Variants in CDH20 observed in about 807,000 individuals in gnomAD.
CDH20 encodes cadherin-20.
A neutral mutation model predicts 74.2 loss-of-function variants in CDH20; 29 were observed. The observed-to-expected ratio is 0.39, with a 90% CI of 0.29 to 0.53. CDH20 has a LOEUF of 0.53. CDH20 is among the 20% of genes least tolerant of loss of function. CDH20 has a pLI of 0.69. For missense variants in CDH20, 988 were observed against 1,048.3 expected, an observed-to-expected ratio of 0.94 and a Z score of 0.79; for synonymous variants, 469 against 405.4, an observed-to-expected ratio of 1.16 and a Z score of -1.88.
intron 11 of CDH20, 101 bp from the exon 12 acceptor site, chr18:61,554,089 G>A: frequency 7.1e-7 from 1 of 1,414,696 alleles, no homozygotes; most frequent in Admixed American, 2.1e-5. Flanking sequence ...CCTCCACTCG[G>A]TAGCCCTTCC....
In CDH20 at chr18:61,435,727, CAT is replaced by C. The variant is rs202244525; in HGVS notation, c.-152-54673_-152-54672del. On this transcript the variant is annotated intron_variant, in intron 1 of 11. Transcript: ENST00000262717. ...ATTAATGTATTATATTAAATTATAA[CAT>C]AAATATAAAAAATATATTTATGTAT... Among the ~76,000 whole-genome samples the C allele has an allele frequency of 3.9e-3, 587 of 149,776 alleles. 1 individual carries two copies. Among genetic ancestry groups the C allele is most frequent in the African/African-American group, 0.014 (561 of 41,094 alleles).
chr18:61,338,231 G>A (rs547438699), intron 1 of CDH20, among the ~76,000 whole-genome samples: 1 of 151,918 alleles, frequency 6.6e-6, no homozygotes, highest in South Asian at 2.1e-4. Context: ...ACTGTCTACA[G>A]CAATTAAAAA....
chr18:61,355,881 T>C (rs1478950212), intron 1 of CDH20, among the ~76,000 whole-genome samples: 1 of 152,172 alleles, frequency 6.6e-6, no homozygotes, highest in African/African-American at 2.4e-5. Context: ...TAGCATAAGA[T>C]TGAAGGAAAG....
chr18:61,366,889 T>G (rs144650307), intron 1 of CDH20, among the ~76,000 whole-genome samples: 22 of 152,254 alleles, frequency 1.4e-4, no homozygotes, highest in African/African-American at 5.3e-4. Flanking sequence ...TAAATTACCT[T>G]GAAAAACTGT....
intron 1 of CDH20, among the ~76,000 whole-genome samples, chr18:61,467,419 T>G (rs75676455): frequency 0.011 from 1,710 of 152,222 alleles, 29 homozygotes; most frequent in African/African-American, 0.038. Context: ...GACAAGCCAG[T>G]TACAATTTTA....
intron 6 of CDH20, among the ~76,000 whole-genome samples, chr18:61,508,703 C>T (rs1053556097): frequency 6.6e-6 from 1 of 152,152 alleles, no homozygotes; most frequent in African/African-American, 2.4e-5. Context: ...GTGGCGCAAT[C>T]TCGGCTCACT....
At chr18:61,374,577 C>T (rs921077574) in intron 1 of CDH20, among the ~76,000 whole-genome samples, 1 of 152,132 alleles carries the variant, frequency 6.6e-6, no homozygotes, top group Admixed American at 6.6e-5. Flanking sequence ...ATGAGATCGA[C>T]TAGCATTTTG....
At chr18:61,437,895 G>A (rs999534586) in intron 1 of CDH20, among the ~76,000 whole-genome samples, 15 of 151,708 alleles carry the variant, frequency 9.9e-5, no homozygotes, top group Non-Finnish European at 2.1e-4. Context: ...TTTCACGTTG[G>A]GTTAAATGAT....
At chr18:61,422,435 A>G (rs1912913635) in intron 1 of CDH20, among the ~76,000 whole-genome samples, 1 of 152,148 alleles carries the variant, frequency 6.6e-6, no homozygotes, top group Non-Finnish European at 1.5e-5. Context: ...CAGGGCAAAA[A>G]ATAAATAAAT....
chr18:61,349,422 G>A (rs866554118), intron 1 of CDH20, among the ~76,000 whole-genome samples: 4 of 152,248 alleles, frequency 2.6e-5, no homozygotes, highest in African/African-American at 9.6e-5. Flanking sequence ...ATGAATATGA[G>A]ACATCCAGGA....
intron 10 of CDH20, among the ~76,000 whole-genome samples, chr18:61,546,589 GA>G (rs373642378): frequency 0.012 from 1,828 of 152,206 alleles, 44 homozygotes; most frequent in African/African-American, 0.041. Context: ...CAACCCTGGG[GA>G]GGGAAAATAA....
chr18:61,344,250 A>G (rs1255770991), intron 1 of CDH20, among the ~76,000 whole-genome samples: 1 of 152,244 alleles, frequency 6.6e-6, no homozygotes, highest in Non-Finnish European at 1.5e-5. Flanking sequence ...CCCTGTCAAA[A>G]GCACTTCATC....
chr18:61,409,151 G>A (rs1471343865), intron 1 of CDH20, among the ~76,000 whole-genome samples: 1 of 152,148 alleles, frequency 6.6e-6, no homozygotes, highest in Non-Finnish European at 1.5e-5. Context: ...AACCCATTCT[G>A]AGCATTTTTG....
chr18:61,388,596 C>T (rs1911674639), intron 1 of CDH20, among the ~76,000 whole-genome samples: 1 of 152,174 alleles, frequency 6.6e-6, no homozygotes, highest in Non-Finnish European at 1.5e-5. Context: ...TGATTCCTCA[C>T]AGCTCATTAT....
chr18:61,554,344 C>A lies in CDH20; in HGVS notation c.2055C>A (p.Asn685Lys), dbSNP rs1945843831. 6.2e-7 allele frequency: 1 copy of A among 1,613,456 alleles called. No individual in the cohort carries two copies. Among genetic ancestry groups the A allele is most frequent in the Non-Finnish European group, 8.5e-7 (1 of 1,179,910 alleles). Residue 685 changes from asparagine (N) to lysine (K), a missense_variant, in exon 12 of 12, where the codon AAC becomes AAA. Transcript: ENST00000262717. ...TEAFDIAAMW[N>K]PREAQAGAAP... ...CCTTCGACATCGCGGCCATGTGGAACCCCCGGGAGGCGCAGGCGGGGGCCG... is the reference window on the plus strand; with the variant it reads ...CCTTCGACATCGCGGCCATGTGGAAACCCCGGGAGGCGCAGGCGGGGGCCG...
chr18:61,480,410 A>G (rs1220592822), intron 1 of CDH20, among the ~76,000 whole-genome samples: 1 of 152,154 alleles, frequency 6.6e-6, no homozygotes, highest in Admixed American at 6.5e-5. Context: ...GCACAGCTTG[A>G]TTTTATACAT....
chr18:61,538,619 T>G (rs1171032004), intron 8 of CDH20, among the ~76,000 whole-genome samples: 12 of 53,726 alleles, frequency 2.2e-4, no homozygotes, highest in African/African-American at 8.2e-4. Context: ...TTTTTGTTTT[T>G]GTTTTGTTTT....
At chr18:61,397,002 T>C (rs537115218) in intron 1 of CDH20, among the ~76,000 whole-genome samples, 43 of 152,280 alleles carry the variant, frequency 2.8e-4, no homozygotes, top group African/African-American at 1.0e-3. Context: ...AACTATTTGG[T>C]TTCTATGCTG....
At chr18:61,426,699 G>T (rs1335671317) in intron 1 of CDH20, among the ~76,000 whole-genome samples, 1 of 152,192 alleles carries the variant, frequency 6.6e-6, no homozygotes. Flanking sequence ...TGCATCAGCA[G>T]CATATTGTGT....
Sources: allele counts gnomAD v4.1 joint callset (sites outside exome capture counted in the v4.1 genomes callset), GRCh38; gene constraint gnomAD v4.1.1; transcripts MANE v1.5; gene names NCBI Gene and HGNC (gene_info 2026-07-23, HGNC 2026-07-21).